DLG2: variants seen among roughly 807,000 people sequenced by gnomAD.
DLG2 encodes disks large homolog 2.
A neutral mutation model predicts 132.5 loss-of-function variants in DLG2; 45 were observed. The observed-to-expected ratio is 0.34, with a 90% CI of 0.27 to 0.44. DLG2 has a LOEUF of 0.44. DLG2 is among the 20% of genes least tolerant of loss of function. The probability of loss-of-function intolerance (pLI) is 1.00; values close to 1 mark genes in which losing one functional copy is unlikely to be tolerated. For missense variants in DLG2, 1,045 were observed against 1,196.9 expected (o/e 0.87, Z 1.87); for synonymous variants, 424 against 419.6 (o/e 1.01, Z -0.13).
intron 4 of DLG2, 45 bp downstream of exon 4, chr11:85,285,175 A>G: frequency 2.6e-6 from 4 of 1,553,106 alleles, no homozygotes; most frequent in Non-Finnish European, 3.5e-6. Flanking sequence ...TTAGTGGCCT[A>G]AGTCCTAGTA....
intron 7 of DLG2, chr11:84,437,801 A>T (rs920215226): frequency 2.0e-5 from 3 of 152,360 alleles, no homozygotes; most frequent in African/African-American, 7.2e-5. Context: ...ACCAAACTCC[A>T]TGTGTGTCAG....
intron 3 of DLG2, among the ~76,000 whole-genome samples, chr11:85,492,716 A>G (rs2093589589): frequency 6.9e-6 from 1 of 145,760 alleles, no homozygotes; most frequent in Non-Finnish European, 1.5e-5. Flanking sequence ...GGTCTGACTT[A>G]AAATATAGGT....
At chr11:84,136,192 T>A (rs1170947358) in intron 9 of DLG2, among the ~76,000 whole-genome samples, 1 of 152,128 alleles carries the variant, frequency 6.6e-6, no homozygotes, top group Admixed American at 6.6e-5. Context: ...TTACTAAGCC[T>A]TAGTTTCTTC....
intron 7 of DLG2, among the ~76,000 whole-genome samples, chr11:84,260,676 C>T (rs1247457171): frequency 6.6e-6 from 1 of 152,160 alleles, no homozygotes; most frequent in East Asian, 1.9e-4. Context: ...ATTGACGGAA[C>T]TTTCTCTTGT....
intron 15 of DLG2, among the ~76,000 whole-genome samples, chr11:83,907,760 T>C (rs1182956850): frequency 1.3e-5 from 2 of 152,190 alleles, no homozygotes; most frequent in Non-Finnish European, 2.9e-5. Flanking sequence ...GCAAGAAGTT[T>C]ATAAGCAAGC....
intron 3 of DLG2, among the ~76,000 whole-genome samples, chr11:85,574,453 G>A (rs1478453942): frequency 6.7e-6 from 1 of 150,204 alleles, no homozygotes; most frequent in Non-Finnish European, 1.5e-5. Flanking sequence ...ACTCCTCCTT[G>A]ACTCTTCTGT....
chr11:84,802,792 A>ATCTTT (rs1283824845), intron 6 of DLG2, among the ~76,000 whole-genome samples: 1 of 152,032 alleles, frequency 6.6e-6, no homozygotes, highest in African/African-American at 2.4e-5. Flanking sequence ...CTTTTTCCTC[A>ATCTTT]TCTTTTCTTT....
At chr11:84,379,378 A>C (rs2098741426) in intron 7 of DLG2, among the ~76,000 whole-genome samples, 1 of 152,190 alleles carries the variant, frequency 6.6e-6, no homozygotes. Flanking sequence ...CAGAAATTAA[A>C]AAAAAGTAGC....
At chr11:85,215,631 T>TA (rs1468973744) in intron 4 of DLG2, among the ~76,000 whole-genome samples, 2 of 152,148 alleles carry the variant, frequency 1.3e-5, no homozygotes, top group Non-Finnish European at 2.9e-5. Flanking sequence ...AAAATCTTAC[T>TA]AAAACAACCC....
chr11:85,540,710 A>G (rs1346645831), intron 3 of DLG2, among the ~76,000 whole-genome samples: 1 of 152,238 alleles, frequency 6.6e-6, no homozygotes, highest in Non-Finnish European at 1.5e-5. Context: ...AAGCTAAAAG[A>G]GCACACTGTG....
intron 6 of DLG2, among the ~76,000 whole-genome samples, chr11:85,052,836 G>C (rs1419784464): frequency 6.6e-6 from 1 of 152,088 alleles, no homozygotes; most frequent in East Asian, 1.9e-4. Context: ...CTGTGAACTG[G>C]CAGGAAAATG....
chr11:84,526,775 G>GTT (rs775164278), intron 7 of DLG2, among the ~76,000 whole-genome samples: 1,746 of 120,264 alleles, frequency 0.015, 52 homozygotes, highest in African/African-American at 0.027. Context: ...CACTGGGGGT[G>GTT]TTTTTTTTTT....
At chr11:83,743,264 T>G (rs1453239112) in intron 18 of DLG2, among the ~76,000 whole-genome samples, 2 of 152,024 alleles carry the variant, frequency 1.3e-5, no homozygotes, top group Non-Finnish European at 2.9e-5. Flanking sequence ...GTCTCTTCCT[T>G]TTTCCTAACC....
intron 3 of DLG2, among the ~76,000 whole-genome samples, chr11:85,348,753 A>C (rs981568838): frequency 4.6e-5 from 7 of 152,036 alleles, no homozygotes; most frequent in African/African-American, 1.7e-4. Context: ...TGTCTACCTC[A>C]CATTTACATC....
chr11:84,693,863 A>G (rs573697636), intron 6 of DLG2, among the ~76,000 whole-genome samples: 1 of 151,842 alleles, frequency 6.6e-6, no homozygotes, highest in South Asian at 2.1e-4. Flanking sequence ...CTGGAAAACT[A>G]TAACTCATTC....
rs894865639 is a variant in DLG2 at position 85,626,567 on chromosome 11, G to C, written c.-93+20C>G. On this transcript the variant is annotated intron_variant, in intron 2 of 27. Transcript: ENST00000376104. ...TACAAGTACCAGAACCAACAAAAGG[G>C]AGAAATATTATATAGCAACCTTATG... is the stretch of plus-strand genomic sequence containing the variant. 3 of 152,140 alleles carry C rather than the reference G, an allele frequency of 2.0e-5. No individual in the cohort carries two copies. Among genetic ancestry groups the C allele is most frequent in the African/African-American group, 7.2e-5 (3 of 41,432 alleles). 9.4% of individuals were successfully genotyped at this position (152,140 alleles called of 1,614,324 possible).
chr11:84,987,160 C>A (rs2056588538), intron 6 of DLG2, among the ~76,000 whole-genome samples: 1 of 152,090 alleles, frequency 6.6e-6, no homozygotes, highest in African/African-American at 2.4e-5. Context: ...ACCCCCTTTA[C>A]AATAGCTGCG....
intron 6 of DLG2, among the ~76,000 whole-genome samples, chr11:84,715,215 C>T (rs1459938497): frequency 6.6e-6 from 1 of 152,106 alleles, no homozygotes; most frequent in Non-Finnish European, 1.5e-5. Flanking sequence ...TAACAAATTG[C>T]TATTATGAGA....
chr11:85,459,564 T>C (rs1488453392), intron 3 of DLG2, among the ~76,000 whole-genome samples: 2 of 152,086 alleles, frequency 1.3e-5, no homozygotes, highest in Non-Finnish European at 2.9e-5. Flanking sequence ...GTGGCTATTA[T>C]GTGGTGCAAA....
Sources: allele counts gnomAD v4.1 joint callset (sites outside exome capture counted in the v4.1 genomes callset), GRCh38; gene constraint gnomAD v4.1.1; transcripts MANE v1.5; gene names NCBI Gene and HGNC (gene_info 2026-07-23, HGNC 2026-07-21).